The following DGKZ variants were observed in gnomAD, a reference collection of about 807,000 sequenced individuals.
The protein encoded by DGKZ is DAG kinase zeta.
In DGKZ, 45 loss-of-function variants were observed where a neutral mutation model predicts 142.5. That is an observed-to-expected ratio of 0.32 (90% CI 0.25 to 0.40). DGKZ has a LOEUF of 0.40. Ranked by LOEUF, DGKZ falls within the 10% of genes least tolerant of loss-of-function variation. DGKZ has a pLI of 1.00. For synonymous variants in DGKZ, 442 were observed against 527.0 expected, an observed-to-expected ratio of 0.84 and a Z score of 2.21; for missense variants, 755 against 1,306.5, an observed-to-expected ratio of 0.58 and a Z score of 6.51.
At chr11:46,376,032 G>A in intron 21 of DGKZ, 34 bp from the exon 22 acceptor site, 1 of 1,611,904 alleles carries the variant, frequency 6.2e-7, no homozygotes, top group East Asian at 2.2e-5. Context: ...GCTGTGGGGT[G>A]CAGCCAGCTG....
chr11:46,371,155 G>A (rs1383247495), intron 6 of DGKZ, among the ~76,000 whole-genome samples, 158 bp from the exon 7 acceptor site: 1 of 152,194 alleles, frequency 6.6e-6, no homozygotes, highest in African/African-American at 2.4e-5. Context: ...AGTTACTTGG[G>A]GGGGCTGAGG....
At chr11:46,359,587 ATATTTATATT>A (rs1201068274) in intron 1 of DGKZ, among the ~76,000 whole-genome samples, 21 of 151,912 alleles carry the variant, frequency 1.4e-4, no homozygotes, top group Non-Finnish European at 2.2e-4. Context: ...ACGTGGTTTT[ATATTTATATT>A]TATTTATATT....
chr11:46,357,982 C>T (rs1304993556), intron 1 of DGKZ, among the ~76,000 whole-genome samples: 2 of 152,172 alleles, frequency 1.3e-5, no homozygotes, highest in Non-Finnish European at 2.9e-5. Context: ...AGTGCCACAC[C>T]GCAGGAGCCA....
chr11:46,378,795 G>A, intron 27 of DGKZ, 196 bp from the exon 28 acceptor site: 1 of 978,972 alleles, frequency 1.0e-6, no homozygotes. Context: ...CTGCCAGAGA[G>A]CCCACAGGCT....
chr11:46,344,022 T>C (rs1051458513), upstream of DGKZ, among the ~76,000 whole-genome samples: 3 of 152,170 alleles, frequency 2.0e-5, no homozygotes, highest in Non-Finnish European at 2.9e-5. Flanking sequence ...TGATTTCAGC[T>C]TACTGCAAAC....
rs1259425202 is a variant in DGKZ at position 46,367,701 on chromosome 11, G to T, written c.320G>T (p.Gly107Val). 1 of 1,611,646 alleles carries T rather than the reference G, an allele frequency of 6.2e-7. No homozygotes were observed. Among genetic ancestry groups the T allele is most frequent in the South Asian group, 1.1e-5 (1 of 91,028 alleles). The change falls in exon 3 of 31, where the codon GGG (glycine) becomes GTG (valine). Residue 107 changes from glycine to valine, a missense_variant. Physicochemically the swap from Gly to Val is moderately radical, Grantham distance 109 (BLOSUM62 -3). Coordinates refer to ENST00000527911, the Ensembl canonical transcript of DGKZ. This position sits in a 1 kb window ranked among gnomAD's most constrained non-coding sequence, Gnocchi z 4.1. ...ATCTGGTTCGAGACCAACGTGTCCG[G>T]GGACTTCTGCTACGTTGGGGAGCAG...
intron 1 of DGKZ, chr11:46,365,486 G>C: frequency 2.0e-6 from 2 of 985,332 alleles, no homozygotes; most frequent in Non-Finnish European, 2.4e-6. Flanking sequence ...CTATTGTCAC[G>C]GCCCCCTGGG....
intron 1 of DGKZ, among the ~76,000 whole-genome samples, chr11:46,358,291 C>T (rs1942267641): frequency 2.6e-5 from 4 of 152,186 alleles, no homozygotes; most frequent in Admixed American, 2.0e-4. Context: ...CCTTGTGTAC[C>T]TATATCTTCT....
chr11:46,377,152 G>A lies in DGKZ; in HGVS notation c.2282G>A (p.Arg761Gln), dbSNP rs78818764. The change falls in exon 25 of 31, where the codon CGG becomes CAG. Residue 761 changes from arginine to glutamine, a missense_variant. Physicochemically the swap from Arg to Gln is conservative, Grantham distance 43. This residue lies in a region of DGKZ where 114 missense variants were observed against 180.9 expected (regional missense o/e 0.63). Transcript: ENST00000527911. ...CCTGAGCTGCTGGGGGCATCGGCCCGGCCTGACCTCCCAACCCCCACTTCC... is the reference window on the plus strand; with the variant it reads ...CCTGAGCTGCTGGGGGCATCGGCCCAGCCTGACCTCCCAACCCCCACTTCC... 2.2e-4 allele frequency: 353 copies of A among 1,612,084 alleles called. 1 individual carries two copies. The highest frequency in any genetic ancestry group is 2.0e-4 in the Non-Finnish European group (234 of 1,179,092).
rs552009036 is a variant in DGKZ at position 46,362,518 on chromosome 11, C to G, written c.162-4773C>G. ...GTGTCTATGGTGGGTGTAGGCCCTGCCAGGCCCTGCTGTCTGCCAGGTATC... is the reference window on the plus strand; with the variant it reads ...GTGTCTATGGTGGGTGTAGGCCCTGGCAGGCCCTGCTGTCTGCCAGGTATC... On this transcript the variant is annotated intron_variant, in intron 1 of 30. Transcript: ENST00000527911. Among the ~76,000 whole-genome samples the G allele has an allele frequency of 1.3e-4, 20 of 152,296 alleles. No homozygotes were observed. The East Asian group carries it at 2.7e-3, about 21-fold the overall frequency.
intron 6 of DGKZ, among the ~76,000 whole-genome samples, chr11:46,370,724 CAG>C (rs758904049): frequency 3.9e-4 from 60 of 152,240 alleles, no homozygotes; most frequent in Non-Finnish European, 7.1e-4. Flanking sequence ...TTCAGGGAGT[CAG>C]GGGGCCCGGG....
intron 5 of DGKZ, 100 bp downstream of exon 5, chr11:46,369,650 T>G: frequency 1.4e-6 from 2 of 1,450,300 alleles, no homozygotes; most frequent in Non-Finnish European, 1.9e-6. Flanking sequence ...CGGCTCCCTC[T>G]AGGCTGCTGC....
At chr11:46,354,162 G>C (rs548293393) in intron 1 of DGKZ, among the ~76,000 whole-genome samples, 97 of 152,230 alleles carry the variant, frequency 6.4e-4, no homozygotes, top group African/African-American at 2.3e-3. Context: ...GGTAGACCCA[G>C]GGAGCTCTAG....
chr11:46,371,971 TGAGGGTACAAA>T, intron 9 of DGKZ, 93 bp from the exon 10 acceptor site: 1 of 1,278,828 alleles, frequency 7.8e-7, no homozygotes, highest in Non-Finnish European at 1.1e-6. Context: ...AGATGGTACG[TGAGGGTACAAA>T]GAGGGAACAA....
chr11:46,355,557 A>T, intron 1 of DGKZ, among the ~76,000 whole-genome samples: 1 of 152,226 alleles, frequency 6.6e-6, no homozygotes, highest in South Asian at 2.1e-4. Flanking sequence ...GAGGCAGGTT[A>T]AAAGGCTTAG....
rs1437192138 is a variant in DGKZ, at chr11:46,366,288, G to A, written c.162-1003G>A. 2 of 1,584,250 alleles carry A rather than the reference G, an allele frequency of 1.3e-6. No homozygotes were observed. The highest frequency in any genetic ancestry group is 8.5e-7 in the Non-Finnish European group (1 of 1,174,288). On this transcript the variant is annotated intron_variant, in intron 1 of 30. Transcript: ENST00000527911. ...ACTTTCTTTAGGAGACATTTCCGGGGGAAGGTGCCAGGCCCTGGAGAGGGG... is the reference window on the plus strand; with the variant it reads ...ACTTTCTTTAGGAGACATTTCCGGGAGAAGGTGCCAGGCCCTGGAGAGGGG...
chr11:46,360,554 G>A (rs554417746), intron 1 of DGKZ, among the ~76,000 whole-genome samples: 68 of 151,944 alleles, frequency 4.5e-4, no homozygotes, highest in African/African-American at 1.5e-3. Flanking sequence ...TTGGGAGGCC[G>A]AGGTGGGCGG....
chr11:46,368,891 C>G, intron 4 of DGKZ: 1 of 172,882 alleles, frequency 5.8e-6, no homozygotes, highest in South Asian at 1.3e-4. Context: ...GTGCCCGGGT[C>G]GGGAGTGCCA....
At chr11:46,365,874 A>G (rs1943188606) in intron 1 of DGKZ, 1 of 985,282 alleles carries the variant, frequency 1.0e-6, no homozygotes, top group Non-Finnish European at 1.2e-6. Flanking sequence ...CCGGCAGGGC[A>G]GGTGGAGGCC....
Sources: allele counts gnomAD v4.1 joint callset (sites outside exome capture counted in the v4.1 genomes callset), GRCh38; gene constraint gnomAD v4.1.1; regional missense constraint gnomAD v4.1.1; non-coding constraint Gnocchi (gnomAD v3.1); transcripts MANE v1.5; gene names NCBI Gene and HGNC (gene_info 2026-07-23, HGNC 2026-07-21).